The following ETV4 variants were observed in gnomAD, a reference collection of about 807,000 sequenced individuals.
ETV4 encodes the protein ETS variant transcription factor 4.
Under a neutral mutation model 65.9 loss-of-function variants are expected in ETV4, and 42 were observed. That is an observed-to-expected ratio of 0.64 (90% confidence interval 0.50 to 0.82). ETV4 has a LOEUF of 0.82. Among genes scored for constraint, ETV4 ranks in the 40% least tolerant of loss-of-function variants. The pLI is 0.00. For synonymous variants in ETV4, 238 were observed against 260.0 expected (o/e 0.92, Z 0.81); for missense variants, 583 against 630.3 (o/e 0.92, Z 0.80).
chr17:43,537,556 C>T (rs1281845686), intron 4 of ETV4, among the ~76,000 whole-genome samples: 1 of 150,446 alleles, frequency 6.6e-6, no homozygotes, highest in African/African-American at 2.5e-5. Flanking sequence ...ATTAGTCAGG[C>T]GTGGCGGTGG....
At position 43,530,195 on chromosome 17, in the gene ETV4, A is replaced by T; in HGVS notation, c.812-14T>A. The T allele has an allele frequency of 1.9e-6, 3 of 1,553,306 alleles. No individual in the cohort carries two copies. Among genetic ancestry groups the T allele is most frequent in the Middle Eastern group, 1.7e-4 (1 of 5,996 alleles). Reference sequence around the variant, plus strand: ...ACCCGGTGACATCTGTGGGGGAAGAAGGGGTGATGTGAGAAGTGGCTTGGG... The same window carrying T: ...ACCCGGTGACATCTGTGGGGGAAGATGGGGTGATGTGAGAAGTGGCTTGGG... On this transcript the variant is annotated splice_polypyrimidine_tract_variant and intron_variant, in intron 8 of 12. Transcript: ENST00000319349.
chr17:43,535,152 C>T (rs1341347621), intron 5 of ETV4, among the ~76,000 whole-genome samples: 1 of 152,196 alleles, frequency 6.6e-6, no homozygotes, highest in Non-Finnish European at 1.5e-5. Context: ...CAGTTTTAAC[C>T]GCAGTCCAGT....
Position 43,533,857 on chromosome 17 carries a change from A to ACCTGGAGTAAAGG in ETV4, c.372_383+1dup, listed in dbSNP as rs1971093228. 6.2e-7 allele frequency: 1 copy of ACCTGGAGTAAAGG among 1,606,414 alleles called. No individual in the cohort carries two copies. The highest frequency in any genetic ancestry group is 8.5e-7 in the Non-Finnish European group (1 of 1,176,886). On this transcript the variant is annotated splice_donor_variant, in intron 6 of 12. Transcript: ENST00000319349. LOFTEE classifies it high-confidence loss of function. ...CTTCACCAGGTCCAGGCTGGGGCTC[A>ACCTGGAGTAAAGG]CCTGGAGTAAAGGCACTGCTCGCCA...
At chr17:43,545,943 G>T (rs1268220419) in intron 1 of ETV4, 15 of 284,330 alleles carry the variant, frequency 5.3e-5, no homozygotes, top group Non-Finnish European at 5.8e-5. Flanking sequence ...ACGTGTGTGT[G>T]TGTGTGTGTG....
intron 5 of ETV4, 24 bp from the exon 6 acceptor site, chr17:43,534,009 C>G (rs765361992): frequency 6.7e-6 from 10 of 1,503,122 alleles, no homozygotes; most frequent in Non-Finnish European, 7.0e-6. Context: ...GGGGACAGAG[C>G]AAGGCCAGAG....
intron 8 of ETV4, 111 bp downstream of exon 8, chr17:43,532,563 G>A: frequency 2.1e-6 from 2 of 970,516 alleles, no homozygotes; most frequent in Non-Finnish European, 3.0e-6. Context: ...AAGTGGGTGG[G>A]TGGGTTGGAT....
intron 1 of ETV4, 194 bp from the exon 2 acceptor site, chr17:43,545,862 T>C: frequency 1.7e-6 from 1 of 582,960 alleles, no homozygotes. Flanking sequence ...AGGTCCCACC[T>C]GCTCCCAGGA....
Position 43,529,650 on chromosome 17 carries a change from C to T in ETV4, c.982G>A (p.Ala328Thr). The T allele has an allele frequency of 6.2e-7, 1 of 1,613,288 alleles. No individual in the cohort carries two copies. The highest frequency in any genetic ancestry group is 8.5e-7 in the Non-Finnish European group (1 of 1,179,586). ...EGDIKQEGVG[A>T]FREGPPYQRR... ...TGGTAGGGCGGCCCCTCTCGAAATG[C>T]ACCGACCCCTTCCTGCTTGATGTCT... Residue 328 changes from alanine to threonine, a missense_variant, in exon 11 of 13, where the codon GCA (alanine) becomes ACA (threonine). Transcript: ENST00000319349.
At chr17:43,543,402 A>G (rs1408889716) in intron 4 of ETV4, among the ~76,000 whole-genome samples, 1 of 151,762 alleles carries the variant, frequency 6.6e-6, no homozygotes, top group Non-Finnish European at 1.5e-5. Flanking sequence ...AGATGAGAGC[A>G]TTTTCCTCCC....
chr17:43,545,939 G>GTGTT, intron 1 of ETV4: 1 of 211,548 alleles, frequency 4.7e-6, no homozygotes, highest in Non-Finnish European at 8.3e-6. Flanking sequence ...AAGAACGTGT[G>GTGTT]TGTGTGTGTG....
intron 4 of ETV4, among the ~76,000 whole-genome samples, chr17:43,542,018 C>G (rs952674521): frequency 2.0e-5 from 3 of 152,166 alleles, no homozygotes; most frequent in Non-Finnish European, 4.4e-5. Context: ...CAAGACAGCA[C>G]AGGGTGAAAT....
At position 43,536,499 on chromosome 17, in the gene ETV4, G is replaced by T; in HGVS notation, c.203-20C>A. The T allele has an allele frequency of 6.2e-7, 1 of 1,613,898 alleles. No individual in the cohort carries two copies. The highest frequency in any genetic ancestry group is 8.5e-7 in the Non-Finnish European group (1 of 1,179,792). ...CCTGAGCTGCAGAGAGAAGTCAGAG[G>T]TGAGTTTGGGGCGGAGCCCTGGTTG... is the stretch of plus-strand genomic sequence containing the variant. On this transcript the variant is annotated intron_variant, in intron 4 of 12. Transcript: ENST00000319349.
At chr17:43,529,808 T>C (rs375525411) in intron 10 of ETV4, 76 bp downstream of exon 10, 1 of 1,601,098 alleles carries the variant, frequency 6.2e-7, no homozygotes, top group East Asian at 2.2e-5. Context: ...CTTGCAACAA[T>C]GAAACGTGAT....
At chr17:43,530,273 T>G in intron 8 of ETV4, 92 bp from the exon 9 acceptor site, 1 of 1,531,348 alleles carries the variant, frequency 6.5e-7, no homozygotes, top group South Asian at 1.2e-5. Flanking sequence ...CAAGAATTTC[T>G]TCCTTCCAGC....
chr17:43,538,140 CAAAAAAAAA>C (rs34924870), intron 4 of ETV4, among the ~76,000 whole-genome samples: 13 of 110,738 alleles, frequency 1.2e-4, no homozygotes, highest in Admixed American at 8.6e-4. Context: ...GACTCCATTT[CAAAAAAAAA>C]AAAAAAAAAA....
intron 9 of ETV4, 37 bp downstream of exon 9, chr17:43,530,070 C>T (rs1240816446): frequency 5.6e-6 from 9 of 1,610,802 alleles, no homozygotes; most frequent in African/African-American, 1.3e-5. Context: ...CCTCCCCCAA[C>T]ATGGAGGGCT....
At chr17:43,542,173 C>T (rs538624199) in intron 4 of ETV4, among the ~76,000 whole-genome samples, 55 of 152,078 alleles carry the variant, frequency 3.6e-4, no homozygotes, top group Non-Finnish European at 6.2e-4. Flanking sequence ...GCAGATCGAT[C>T]GATCCCTTTG....
chr17:43,541,986 T>G (rs1245211202), intron 4 of ETV4, among the ~76,000 whole-genome samples: 1 of 152,164 alleles, frequency 6.6e-6, no homozygotes, highest in Non-Finnish European at 1.5e-5. Context: ...CCCTAATTCC[T>G]TTTACTTCAC....
At position 43,545,359 on chromosome 17, in the gene ETV4, G is replaced by A. The variant is rs1285205436; in HGVS notation, c.69C>T (p.Pro23=). 6.3e-7 allele frequency: 1 copy of A among 1,596,974 alleles called. No individual in the cohort carries two copies. The highest frequency in any genetic ancestry group is 1.1e-5 in the South Asian group (1 of 88,610). ...QVPYTFSSKS[P]GNGSLREALI... ...GCGCTTCGCGCAAGCTCCCATTTCC[G>A]GGCGATTTCTGCGAGAAGCGGGGAG... The change falls in exon 3 of 13, where the codon CCC becomes CCT. Residue 23 remains proline (P), a synonymous_variant. Coordinates refer to ENST00000319349, the MANE Select transcript of ETV4 (RefSeq NM_001079675.5).
Sources: gnomAD v4.1 joint callset for allele counts (sites outside exome capture counted in the v4.1 genomes callset) on GRCh38, gnomAD v4.1.1 for gene constraint, MANE v1.5 for transcripts, NCBI Gene and HGNC (gene_info 2026-07-23, HGNC 2026-07-21) for gene names.